The following AGBL4 variants were observed in gnomAD, a reference collection of about 807,000 sequenced individuals.
AGBL4 encodes the protein AGBL carboxypeptidase 4.
AGBL4 carries 58 observed loss-of-function variants against 66.4 expected under a neutral mutation model. That is an observed-to-expected ratio of 0.87 (90% CI 0.71 to 1.09). The LOEUF (loss-of-function observed/expected upper bound fraction) is 1.09. Among genes scored for constraint, AGBL4 ranks in the 50% least tolerant of loss-of-function variants. The pLI is 0.00. For synonymous variants in AGBL4, 234 were observed against 222.9 expected (o/e 1.05, Z -0.44); for missense variants, 579 against 631.0 (o/e 0.92, Z 0.88).
At chr1:49,006,053 C>A (rs1661766468) in intron 5 of AGBL4, among the ~76,000 whole-genome samples, 1 of 151,986 alleles carries the variant, frequency 6.6e-6, no homozygotes, top group African/African-American at 2.4e-5. Context: ...CAGCTCGGGT[C>A]TACAGCTCCC....
At chr1:49,088,566 T>C (rs759067793) in intron 4 of AGBL4, among the ~76,000 whole-genome samples, 24 of 152,136 alleles carry the variant, frequency 1.6e-4, no homozygotes, top group Admixed American at 1.2e-3. Context: ...ACTAAAAATA[T>C]GTACACCCAA....
chr1:49,251,727 C>G (rs964898553), intron 3 of AGBL4, among the ~76,000 whole-genome samples: 2 of 152,202 alleles, frequency 1.3e-5, no homozygotes, highest in Admixed American at 6.5e-5. Context: ...GCACAGTGAA[C>G]TGCAAACCTT....
intron 3 of AGBL4, among the ~76,000 whole-genome samples, chr1:49,493,841 T>C: frequency 6.6e-6 from 1 of 152,044 alleles, no homozygotes; most frequent in South Asian, 2.1e-4. Flanking sequence ...GTAAATAGAG[T>C]TTATTTAGAA....
At chr1:49,226,274 T>A (rs893148511) in intron 4 of AGBL4, among the ~76,000 whole-genome samples, 2 of 152,166 alleles carry the variant, frequency 1.3e-5, no homozygotes, top group Non-Finnish European at 2.9e-5. Flanking sequence ...GCACAATACT[T>A]AACTTGAATA....
intron 2 of AGBL4, among the ~76,000 whole-genome samples, chr1:49,771,714 A>T (rs2147884658): frequency 6.6e-6 from 1 of 152,198 alleles, no homozygotes; most frequent in African/African-American, 2.4e-5. Context: ...GTTACACATT[A>T]TTGAATTGCT....
intron 5 of AGBL4, among the ~76,000 whole-genome samples, chr1:48,899,661 C>G (rs1414609253): frequency 6.6e-6 from 1 of 151,062 alleles, no homozygotes; most frequent in Non-Finnish European, 1.5e-5. Context: ...CTCAGGCCTG[C>G]TACAAGTCCT....
intron 3 of AGBL4, among the ~76,000 whole-genome samples, chr1:49,611,524 C>T (rs548601283): frequency 1.1e-3 from 167 of 151,898 alleles, no homozygotes; most frequent in African/African-American, 3.7e-3. Flanking sequence ...TACAGGCGTC[C>T]GCCACCATGC....
chr1:48,551,394 T>C (rs1449318166), intron 11 of AGBL4, among the ~76,000 whole-genome samples: 2 of 152,134 alleles, frequency 1.3e-5, no homozygotes, highest in African/African-American at 4.8e-5. Context: ...ATATCCAAGA[T>C]ACCCAGTACA....
At chr1:48,778,941 A>G (rs773071495) in intron 6 of AGBL4, among the ~76,000 whole-genome samples, 3 of 152,198 alleles carry the variant, frequency 2.0e-5, no homozygotes, top group Non-Finnish European at 4.4e-5. Context: ...GTCCTGATGC[A>G]GCTGTTGGTC....
Position 49,163,977 on chromosome 1 carries a change from G to A in AGBL4, c.377+81793C>T, listed in dbSNP as rs117161908. 1.3e-3 allele frequency among the ~76,000 whole-genome samples: 203 copies of A among 152,228 alleles called. 4 individuals are homozygous for A. In the East Asian group the frequency reaches 0.027, roughly 20 times the overall value. On this transcript the variant is annotated intron_variant, in intron 4 of 13. Coordinates refer to ENST00000371839, the MANE Select transcript of AGBL4 (RefSeq NM_032785.4). ...AGTATGAAATCCCATTCACGAAGCC[G>A]TTAGAAAACCAGGATAGGAAGGGAG...
chr1:49,218,686 G>C (rs1401659423), intron 4 of AGBL4, among the ~76,000 whole-genome samples: 2 of 152,020 alleles, frequency 1.3e-5, no homozygotes, highest in Non-Finnish European at 2.9e-5. Flanking sequence ...TGTCTCACTA[G>C]AACCTCTGCA....
chr1:49,338,909 C>T (rs1442338362), intron 3 of AGBL4, among the ~76,000 whole-genome samples: 1 of 152,032 alleles, frequency 6.6e-6, no homozygotes, highest in Admixed American at 6.6e-5. Flanking sequence ...CATATTTGGT[C>T]CTAAGTATGT....
rs1661199428 is a variant in AGBL4, at chr1:48,998,893, C to T, written c.594+46691G>A. Among the ~76,000 whole-genome samples the T allele has an allele frequency of 1.3e-5, 2 of 152,184 alleles. 1 individual carries two copies. The highest frequency in any genetic ancestry group is 4.1e-4 in the South Asian group (2 of 4,824). On this transcript the variant is annotated intron_variant, in intron 5 of 13. Coordinates refer to ENST00000371839, the MANE Select transcript of AGBL4 (RefSeq NM_032785.4). Reference sequence around the variant, plus strand: ...GGAGAGGAAGCTTAGGAGAATATGGCAGCTGCTTGAAGATCTCTCCATAGT... The same window carrying T: ...GGAGAGGAAGCTTAGGAGAATATGGTAGCTGCTTGAAGATCTCTCCATAGT...
Position 49,454,710 on chromosome 1 carries a change from G to A in AGBL4, c.283-208846C>T, listed in dbSNP as rs575719093. 2.0e-5 allele frequency among the ~76,000 whole-genome samples: 3 copies of A among 151,702 alleles called. 1 individual carries two copies. The South Asian group carries it at 6.2e-4, about 32-fold the overall frequency. Reference sequence around the variant, plus strand: ...ATATTTTCTGAATGCTAGGGTGAGGGTTGGTAAGGGTTACAGAAGTGAGTA... The same window carrying A: ...ATATTTTCTGAATGCTAGGGTGAGGATTGGTAAGGGTTACAGAAGTGAGTA... On this transcript the variant is annotated intron_variant, in intron 3 of 13. Transcript: ENST00000371839.
intron 3 of AGBL4, among the ~76,000 whole-genome samples, chr1:49,474,861 C>T (rs888117909): frequency 6.6e-6 from 1 of 151,910 alleles, no homozygotes. Flanking sequence ...GCATTAGGAG[C>T]CACCCCAAGT....
the AGBL4 span, among the ~76,000 whole-genome samples, chr1:48,526,901 T>A: frequency 6.6e-6 from 1 of 152,116 alleles, no homozygotes; most frequent in Admixed American, 6.5e-5. Context: ...GTCTCCTTCA[T>A]CTCTCCATGG....
chr1:49,603,567 T>C (rs898900469), intron 3 of AGBL4, among the ~76,000 whole-genome samples: 42 of 140,286 alleles, frequency 3.0e-4, no homozygotes, highest in East Asian at 7.9e-4. Flanking sequence ...AATAAATAAA[T>C]AAATAAACAA....
At chr1:48,772,969 C>T (rs1481986132) in intron 6 of AGBL4, among the ~76,000 whole-genome samples, 1 of 152,092 alleles carries the variant, frequency 6.6e-6, no homozygotes, top group East Asian at 1.9e-4. Context: ...TCTTTTCCAT[C>T]ACTCCCTCCC....
intron 9 of AGBL4, among the ~76,000 whole-genome samples, chr1:48,598,875 T>A (rs1645035209): frequency 6.6e-6 from 1 of 152,206 alleles, no homozygotes; most frequent in African/African-American, 2.4e-5. Context: ...TTTTAAACTT[T>A]TTGACTCTTG....
Sources: gnomAD v4.1 joint callset for allele counts (sites outside exome capture counted in the v4.1 genomes callset) on GRCh38, gnomAD v4.1.1 for gene constraint, MANE v1.5 for transcripts, NCBI Gene and HGNC (gene_info 2026-07-23, HGNC 2026-07-21) for gene names.